ARHGEF10: variants seen among roughly 807,000 people sequenced by gnomAD.
The protein encoded by ARHGEF10 is Rho guanine nucleotide exchange factor 10.
In ARHGEF10, 140 loss-of-function variants were observed where a neutral mutation model predicts 147.4. That is an observed-to-expected ratio of 0.95 (90% confidence interval 0.83 to 1.09). ARHGEF10 has a LOEUF of 1.09. Ranked by LOEUF, ARHGEF10 falls within the 50% of genes least tolerant of loss-of-function variation. ARHGEF10 has a pLI of 0.00. For synonymous variants in ARHGEF10, 902 were observed against 695.8 expected, an observed-to-expected ratio of 1.30 and a Z score of -4.67; for missense variants, 2,222 against 1,752.7, an observed-to-expected ratio of 1.27 and a Z score of -4.78.
chr8:1,917,306 A>G (rs1811832091), intron 18 of ARHGEF10, among the ~76,000 whole-genome samples: 1 of 152,234 alleles, frequency 6.6e-6, no homozygotes, highest in Non-Finnish European at 1.5e-5. Context: ...TTGATTTGTG[A>G]AAAACAGTTT....
chr8:1,898,213 C>T (rs1362338346), intron 14 of ARHGEF10, among the ~76,000 whole-genome samples: 1 of 152,202 alleles, frequency 6.6e-6, no homozygotes, highest in Non-Finnish European at 1.5e-5. Context: ...GGAGCTGAGG[C>T]CAACGTGTGA....
At chr8:1,890,020 G>T (rs1410605857) in intron 11 of ARHGEF10, among the ~76,000 whole-genome samples, 2 of 147,186 alleles carry the variant, frequency 1.4e-5, no homozygotes, top group Non-Finnish European at 3.0e-5. Flanking sequence ...ACTGAGTGCG[G>T]TGAGGGGTAT....
At chr8:1,956,664 TGGG>T (rs1815590618) in intron 28 of ARHGEF10, 82 bp from the exon 29 acceptor site, 1 of 1,469,704 alleles carries the variant, frequency 6.8e-7, no homozygotes, top group Non-Finnish European at 9.5e-7. Flanking sequence ...AGGAATGCGT[TGGG>T]GTTAAGCCCT....
chr8:1,923,944 G>T (rs994214960), intron 21 of ARHGEF10, 70 bp downstream of exon 21: 4 of 1,446,080 alleles, frequency 2.8e-6, no homozygotes, highest in Non-Finnish European at 2.9e-6. Flanking sequence ...ACGAGGGTGA[G>T]GTCAGGGTTG....
intron 26 of ARHGEF10, among the ~76,000 whole-genome samples, chr8:1,944,490 G>A (rs979679633): frequency 1.9e-4 from 29 of 152,224 alleles, no homozygotes; most frequent in African/African-American, 1.4e-4. Context: ...GCGTAGTGCC[G>A]CAGGATGGGG....
At chr8:1,846,377 C>G (rs1184498336) in intron 2 of ARHGEF10, among the ~76,000 whole-genome samples, 2 of 152,170 alleles carry the variant, frequency 1.3e-5, no homozygotes, top group African/African-American at 4.8e-5. Flanking sequence ...TTCTGTGGTA[C>G]TTTAATTATA....
At chr8:1,927,080 C>T (rs2129221277) in intron 23 of ARHGEF10, 1 of 164,450 alleles carries the variant, frequency 6.1e-6, no homozygotes, top group African/African-American at 2.4e-5. Context: ...TCTCACTTCT[C>T]ACATCCACAG....
chr8:1,957,073 A>G lies in ARHGEF10; in HGVS notation c.3845A>G (p.Tyr1282Cys), dbSNP rs1407516248. 6.2e-7 allele frequency: 1 copy of G among 1,613,650 alleles called. No individual in the cohort carries two copies. Among genetic ancestry groups the G allele is most frequent in the Non-Finnish European group, 8.5e-7 (1 of 1,180,006 alleles). Residue 1282 changes from tyrosine to cysteine, a missense_variant, in exon 29 of 29, where the codon TAT (tyrosine) becomes TGT (cysteine). Tyr to Cys is a radical substitution (Grantham distance 194). Transcript: ENST00000349830. ...CACAGATCAGAGGACAGCACCATCT[A>G]TGATCTCCTGAAGGATCCTGTCTCG... ...LEHRSEDSTI[Y>C]DLLKDPVSLR...
At position 1,937,359 on chromosome 8, in the gene ARHGEF10, T is replaced by A. The variant is rs567627040; in HGVS notation, c.3222+3417T>A. Among the ~76,000 whole-genome samples, 1 of 152,286 alleles carries A rather than the reference T, an allele frequency of 6.6e-6. No individual in the cohort carries two copies. The highest frequency in any genetic ancestry group is 2.1e-4 in the South Asian group (1 of 4,820). On this transcript the variant is annotated intron_variant, in intron 26 of 28. Coordinates refer to ENST00000349830, the MANE Select transcript of ARHGEF10 (RefSeq NM_014629.4). This position sits in a 1 kb window ranked among gnomAD's most constrained non-coding sequence, Gnocchi z 4.9. Reference sequence around the variant, plus strand: ...CAGTACAGCCATCCTAGTAATTGCGTATTTACAGAGGGAGCTCAGCCATAT... The same window carrying A: ...CAGTACAGCCATCCTAGTAATTGCGAATTTACAGAGGGAGCTCAGCCATAT...
intron 17 of ARHGEF10, among the ~76,000 whole-genome samples, chr8:1,908,956 A>C (rs1811134503): frequency 6.6e-6 from 1 of 152,250 alleles, no homozygotes; most frequent in African/African-American, 2.4e-5. Flanking sequence ...CTCTATCCAC[A>C]TAGGAGACTT....
intron 6 of ARHGEF10, among the ~76,000 whole-genome samples, chr8:1,867,030 T>C (rs1806685194): frequency 6.6e-6 from 1 of 151,488 alleles, no homozygotes; most frequent in Non-Finnish European, 1.5e-5. Flanking sequence ...TTTTTTTTTT[T>C]TTGTCCCATA....
intron 11 of ARHGEF10, 46 bp downstream of exon 11, chr8:1,885,753 G>C (rs1808604385): frequency 2.1e-6 from 3 of 1,424,726 alleles, no homozygotes; most frequent in Admixed American, 1.7e-5. Flanking sequence ...GCAGAGCTGT[G>C]CTAGTTTTTA....
intron 18 of ARHGEF10, among the ~76,000 whole-genome samples, chr8:1,917,062 A>G (rs1253558682): frequency 6.6e-6 from 1 of 152,250 alleles, no homozygotes; most frequent in African/African-American, 2.4e-5. Flanking sequence ...AGTTTATTGC[A>G]TACTGCAAGC....
In ARHGEF10 at chr8:1,929,436, A is replaced by G; in HGVS notation, c.3072A>G (p.Arg1024=). Reference sequence around the variant, plus strand: ...ACGGGGCAGTCGCCAGCTACGCCAGAGCCCCAGGTGAGGCGGGTCTCACGG... The same window carrying G: ...ACGGGGCAGTCGCCAGCTACGCCAGGGCCCCAGGTGAGGCGGGTCTCACGG... ...LVNGAVASYA[R]APDGSWDSEP... is the part of the protein sequence containing the mutation. The change falls in exon 25 of 29, where the codon AGA becomes AGG. Residue 1024 remains arginine (R), a synonymous_variant. Coordinates refer to ENST00000349830, the MANE Select transcript of ARHGEF10 (RefSeq NM_014629.4). 2 of 1,608,104 alleles carry G rather than the reference A, an allele frequency of 1.2e-6. No homozygotes were observed. The highest frequency in any genetic ancestry group is 1.7e-6 in the Non-Finnish European group (2 of 1,177,116).
intron 2 of ARHGEF10, among the ~76,000 whole-genome samples, chr8:1,850,848 A>G (rs1333833436): frequency 6.6e-6 from 1 of 152,180 alleles, no homozygotes; most frequent in Non-Finnish European, 1.5e-5. Flanking sequence ...CCATTCAGAC[A>G]GTGGAACATT....
chr8:1,881,885 A>G (rs930332139), intron 9 of ARHGEF10, among the ~76,000 whole-genome samples: 3 of 152,170 alleles, frequency 2.0e-5, no homozygotes, highest in Admixed American at 1.3e-4. Flanking sequence ...TCTTTTAAAG[A>G]CGAAATCACT....
chr8:1,892,867 G>A (rs935499922), intron 11 of ARHGEF10, among the ~76,000 whole-genome samples: 5 of 152,124 alleles, frequency 3.3e-5, no homozygotes, highest in African/African-American at 9.7e-5. Context: ...TTTAGAATGA[G>A]GGAAATGCCG....
At chr8:1,877,887 A>G (rs564850060) in intron 8 of ARHGEF10, among the ~76,000 whole-genome samples, 73 of 152,258 alleles carry the variant, frequency 4.8e-4, no homozygotes, top group Non-Finnish European at 6.2e-4. Context: ...GATGCCCGCC[A>G]TAGTGACAGT....
At chr8:1,841,273 C>A (rs945961812) in intron 1 of ARHGEF10, among the ~76,000 whole-genome samples, 1 of 151,980 alleles carries the variant, frequency 6.6e-6, no homozygotes, top group East Asian at 1.9e-4. Flanking sequence ...TAAAAGTAAT[C>A]TATGTAGAAG....
Sources: gnomAD v4.1 joint callset for allele counts (sites outside exome capture counted in the v4.1 genomes callset) on GRCh38, gnomAD v4.1.1 for gene constraint, Gnocchi (gnomAD v3.1) non-coding constraint, MANE v1.5 for transcripts, NCBI Gene and HGNC (gene_info 2026-07-23, HGNC 2026-07-21) for gene names.